MOB1B: variants seen among roughly 807,000 people sequenced by gnomAD.
MOB1B encodes the protein MOB kinase activator 1B, also known as MOB1 Mps One Binder homolog B.
MOB1B carries 19 observed loss-of-function variants against 24.4 expected under a neutral mutation model. That is an observed-to-expected ratio of 0.78 (90% confidence interval 0.54 to 1.14). The LOEUF is 1.14. Among genes scored for constraint, MOB1B ranks in the 50% most tolerant of loss-of-function variants. The pLI, the probability that MOB1B is intolerant of heterozygous loss-of-function variation, is 0.00. For synonymous variants in MOB1B, 76 were observed against 82.1 expected (o/e 0.93, Z 0.40); for missense variants, 243 against 259.6 (o/e 0.94, Z 0.44).
chr4:70,935,378 A>G (rs1424552813), intron 1 of MOB1B, among the ~76,000 whole-genome samples: 1 of 152,216 alleles, frequency 6.6e-6, no homozygotes, highest in Non-Finnish European at 1.5e-5. Flanking sequence ...ATTAAGCATT[A>G]TGAATTAAAC....
chr4:70,971,167 C>A lies in MOB1B; in HGVS notation c.275+1143C>A, dbSNP rs538713656. ...ATATGAACTGTCACACTCCCCACCT[C>A]GCCTTTTTGAAAAGTCTAGTCAAGA... is the stretch of plus-strand genomic sequence containing the variant. On this transcript the variant is annotated intron_variant, in intron 3 of 5. Transcript: ENST00000309395. Among the ~76,000 whole-genome samples the A allele has an allele frequency of 2.6e-5, 4 of 152,190 alleles. No homozygotes were observed. In the South Asian group the frequency reaches 8.3e-4, roughly 32 times the overall value.
chr4:70,926,091 T>G (rs1321868679), intron 1 of MOB1B, among the ~76,000 whole-genome samples: 2 of 152,098 alleles, frequency 1.3e-5, no homozygotes, highest in Non-Finnish European at 2.9e-5. Flanking sequence ...GGGCTCGTGA[T>G]TCTTCCACCT....
chr4:70,961,083 TA>T (rs1738283008), intron 2 of MOB1B, among the ~76,000 whole-genome samples: 2 of 152,204 alleles, frequency 1.3e-5, no homozygotes, highest in African/African-American at 4.8e-5. Flanking sequence ...ACTACGTACC[TA>T]TGATAAAGCT....
rs34950388 is a variant in MOB1B at position 70,933,542 on chromosome 4, CTTTTTTTT to C, written c.15-25312_15-25305del. Among the ~76,000 whole-genome samples, 564 of 91,594 alleles carry C rather than the reference CTTTTTTTT, an allele frequency of 6.2e-3. 2 individuals are homozygous for C. The highest frequency in any genetic ancestry group is 0.022 in the African/African-American group (530 of 23,692). 60.1% of individuals were successfully genotyped at this position (91,594 alleles called of 152,430 possible). The stretch of plus-strand genomic sequence containing the variant: ...TATAGGGCTTGTAATAAAAATAACT[CTTTTTTTT>C]TTTTTTTTTTTTTTTTTTTGAGACA... On this transcript the variant is annotated intron_variant, in intron 1 of 5. Transcript: ENST00000309395.
At chr4:70,980,814 C>T (rs1443791597) in intron 5 of MOB1B, among the ~76,000 whole-genome samples, 1 of 152,142 alleles carries the variant, frequency 6.6e-6, no homozygotes, top group African/African-American at 2.4e-5. Flanking sequence ...ATATGTATAC[C>T]TCTAGGCCTG....
At chr4:70,980,909 C>T (rs772525205) in intron 5 of MOB1B, among the ~76,000 whole-genome samples, 6 of 151,996 alleles carry the variant, frequency 3.9e-5, no homozygotes, top group Non-Finnish European at 8.8e-5. Flanking sequence ...TCTTGAGGTG[C>T]AGGGTGGATG....
Position 70,957,967 on chromosome 4 carries a change from T to C in MOB1B, c.15-907T>C, listed in dbSNP as rs535901192. 2.6e-5 allele frequency among the ~76,000 whole-genome samples: 4 copies of C among 152,022 alleles called. No individual in the cohort carries two copies. In the South Asian group the frequency reaches 8.3e-4, roughly 32 times the overall value. On this transcript the variant is annotated intron_variant, in intron 1 of 5. Coordinates refer to ENST00000309395, the MANE Select transcript of MOB1B (RefSeq NM_173468.4). ...GTTTCAGTTGATCCATTAAAAAATA[T>C]TTATGTGTATATATACACATACACA...
At chr4:70,949,921 T>TA (rs1737730664) in intron 1 of MOB1B, among the ~76,000 whole-genome samples, 1 of 150,712 alleles carries the variant, frequency 6.6e-6, no homozygotes, top group African/African-American at 2.4e-5. Context: ...AAAAAATACA[T>TA]AAATAAAATT....
chr4:70,975,090 AAT>A, intron 3 of MOB1B, 61 bp from the exon 4 acceptor site: 1 of 1,224,426 alleles, frequency 8.2e-7, no homozygotes, highest in Non-Finnish European at 1.1e-6. Flanking sequence ...AGATACATAA[AAT>A]ATATACACTG....
chr4:70,985,904 A>G lies in MOB1B; in HGVS notation c.*3847A>G, dbSNP rs1337148443. 6.6e-6 allele frequency: 1 copy of G among 152,226 alleles called. No individual in the cohort carries two copies. Among genetic ancestry groups the G allele is most frequent in the Non-Finnish European group, 1.5e-5 (1 of 68,038 alleles). 9.4% of individuals were successfully genotyped at this position (152,226 alleles called of 1,614,324 possible). On this transcript the variant is annotated 3_prime_UTR_variant, in exon 6 of 6. Transcript: ENST00000309395. ...CTAAACCATTAGGGAAGTTCAAAGG[A>G]ATGTGCCATGATTTCCGAATTTGCA... is the stretch of plus-strand genomic sequence containing the variant.
At chr4:70,916,979 G>A (rs1736221699) in intron 1 of MOB1B, among the ~76,000 whole-genome samples, 1 of 152,164 alleles carries the variant, frequency 6.6e-6, no homozygotes, top group South Asian at 2.1e-4. Flanking sequence ...ACTTTCACAG[G>A]AGAATTTAAA....
chr4:70,926,590 C>T (rs902265253), intron 1 of MOB1B, among the ~76,000 whole-genome samples: 2 of 152,238 alleles, frequency 1.3e-5, no homozygotes, highest in East Asian at 3.9e-4. Context: ...TTTTGTTTAG[C>T]TGTCTTACAA....
rs943013608 is a variant in MOB1B, at chr4:70,986,240, G to C, written c.*4183G>C. ...GGATCCAATATTTAAGATAGAAGTA[G>C]TTTAAGGAGACAACAGCCTTTACTG... On this transcript the variant is annotated 3_prime_UTR_variant, in exon 6 of 6. Coordinates refer to ENST00000309395, the MANE Select transcript of MOB1B (RefSeq NM_173468.4). 3.9e-5 allele frequency: 6 copies of C among 152,074 alleles called. No individual in the cohort carries two copies. Among genetic ancestry groups the C allele is most frequent in the Non-Finnish European group, 5.9e-5 (4 of 67,986 alleles). The allele number at this position is 152,074 out of a possible 1,614,324, so 9.4% of individuals were successfully genotyped here.
At chr4:70,960,635 G>A (rs977574536) in intron 2 of MOB1B, among the ~76,000 whole-genome samples, 6 of 152,140 alleles carry the variant, frequency 3.9e-5, no homozygotes, top group Admixed American at 2.0e-4. Flanking sequence ...CAAGAGCCAT[G>A]TTATTATTAT....
intron 1 of MOB1B, among the ~76,000 whole-genome samples, chr4:70,918,127 G>A (rs764602533): frequency 4.1e-4 from 62 of 152,176 alleles, no homozygotes; most frequent in Non-Finnish European, 7.1e-4. Flanking sequence ...AAACATGTCA[G>A]ATAATCCTGT....
intron 1 of MOB1B, among the ~76,000 whole-genome samples, chr4:70,910,750 G>A (rs1005823177): frequency 6.6e-6 from 1 of 151,952 alleles, no homozygotes; most frequent in African/African-American, 2.4e-5. Context: ...CACCTTCAGA[G>A]ACAACTGTTG....
intron 1 of MOB1B, among the ~76,000 whole-genome samples, chr4:70,923,057 A>G (rs1325162540): frequency 1.3e-5 from 2 of 152,156 alleles, no homozygotes; most frequent in Admixed American, 1.3e-4. Context: ...CTGGGGCCAA[A>G]CAGTACCAAA....
intron 1 of MOB1B, among the ~76,000 whole-genome samples, chr4:70,953,719 G>A (rs552122090): frequency 7.9e-5 from 12 of 152,244 alleles, no homozygotes; most frequent in East Asian, 1.9e-4. Flanking sequence ...TAAAGCGGGC[G>A]GATCACTTGA....
At chr4:70,973,019 C>T (rs1018420063) in intron 3 of MOB1B, among the ~76,000 whole-genome samples, 1 of 152,072 alleles carries the variant, frequency 6.6e-6, no homozygotes, top group East Asian at 1.9e-4. Context: ...ATGATCCGCC[C>T]GCCTCGGCCT....
Sources: allele counts gnomAD v4.1 joint callset (sites outside exome capture counted in the v4.1 genomes callset), GRCh38; gene constraint gnomAD v4.1.1; transcripts MANE v1.5; gene names NCBI Gene and HGNC (gene_info 2026-07-23, HGNC 2026-07-21).